The following SCFD2 variants were observed in gnomAD, a reference collection of about 807,000 sequenced individuals.
The protein encoded by SCFD2 is sec1 family domain-containing protein 2.
In SCFD2, 54 loss-of-function variants were observed where a neutral mutation model predicts 58.9. The ratio of observed to expected loss-of-function variants is 0.92; its 90% CI spans 0.74 to 1.15. The LOEUF is 1.15. SCFD2 is among the 50% of genes most tolerant of loss of function. The pLI is 0.00. For synonymous variants in SCFD2, 321 were observed against 335.9 expected, an observed-to-expected ratio of 0.96 and a Z score of 0.49; for missense variants, 805 against 836.6, an observed-to-expected ratio of 0.96 and a Z score of 0.47.
At chr4:53,233,605 C>G (rs755885551) in intron 4 of SCFD2, among the ~76,000 whole-genome samples, 4 of 152,146 alleles carry the variant, frequency 2.6e-5, no homozygotes, top group African/African-American at 4.8e-5. Context: ...CCTATATATT[C>G]GACTCTCATT....
chr4:52,906,112 T>C (rs1719341773), intron 7 of SCFD2, among the ~76,000 whole-genome samples: 1 of 152,192 alleles, frequency 6.6e-6, no homozygotes, highest in Non-Finnish European at 1.5e-5. Flanking sequence ...TAGGGCCTCC[T>C]GTCACCTACA....
At chr4:52,954,636 G>T (rs1394830861) in intron 5 of SCFD2, among the ~76,000 whole-genome samples, 2 of 152,154 alleles carry the variant, frequency 1.3e-5, no homozygotes, top group African/African-American at 4.8e-5. Context: ...GGAACAAGCA[G>T]TCTAGGAAAA....
At chr4:52,886,656 AG>A (rs1718748832) in intron 7 of SCFD2, among the ~76,000 whole-genome samples, 1 of 152,238 alleles carries the variant, frequency 6.6e-6, no homozygotes, top group Admixed American at 6.5e-5. Context: ...AAAGTGGGTG[AG>A]AAAAATCCTG....
intron 5 of SCFD2, among the ~76,000 whole-genome samples, chr4:52,928,181 T>A (rs1162899554): frequency 1.3e-5 from 2 of 151,654 alleles, no homozygotes; most frequent in Admixed American, 6.6e-5. Flanking sequence ...CAAAAAAATT[T>A]AAAAAAATAG....
At chr4:53,021,750 T>C (rs1435069352) in intron 5 of SCFD2, among the ~76,000 whole-genome samples, 1 of 152,166 alleles carries the variant, frequency 6.6e-6, no homozygotes, top group Non-Finnish European at 1.5e-5. Flanking sequence ...ACTTTTTGAC[T>C]AGACTTTTTT....
At chr4:53,062,391 C>CAATAATAATAAT (rs60077342) in intron 5 of SCFD2, among the ~76,000 whole-genome samples, 62 of 149,856 alleles carry the variant, frequency 4.1e-4, no homozygotes, top group South Asian at 1.5e-3. Context: ...CGTACAATAA[C>CAATAATAATAAT]AATAATAATA....
Position 53,147,487 on chromosome 4 carries a change from T to C in SCFD2, c.1312-1905A>G, listed in dbSNP as rs750430148. Among the ~76,000 whole-genome samples the C allele has an allele frequency of 6.2e-4, 94 of 152,136 alleles. 1 individual carries two copies. The highest frequency in any genetic ancestry group is 1.9e-4 in the Non-Finnish European group (13 of 68,018). The stretch of plus-strand genomic sequence containing the variant: ...AATCTTGGATGTTCACAATGTACCA[T>C]AGAAAAATAAAATGTTCAGTCCTTG... On this transcript the variant is annotated intron_variant, in intron 4 of 8. Coordinates refer to ENST00000401642, the MANE Select transcript of SCFD2 (RefSeq NM_152540.4).
At chr4:53,253,321 G>A (rs1730469295) in intron 4 of SCFD2, among the ~76,000 whole-genome samples, 2 of 152,146 alleles carry the variant, frequency 1.3e-5, no homozygotes, top group East Asian at 3.9e-4. Context: ...CATTGTGGAA[G>A]TCAGTGTGGC....
Position 53,213,845 on chromosome 4 carries a change from G to A in SCFD2, c.1311+59981C>T, listed in dbSNP as rs778214643. On this transcript the variant is annotated intron_variant, in intron 4 of 8. Coordinates refer to ENST00000401642, the MANE Select transcript of SCFD2 (RefSeq NM_152540.4). ...GACAGGCCCTGGTGTGTGATGTTCCGCTTCCTGTGTCCATGTATTCTCATT... is the reference window on the plus strand; with the variant it reads ...GACAGGCCCTGGTGTGTGATGTTCCACTTCCTGTGTCCATGTATTCTCATT... Among the ~76,000 whole-genome samples the A allele has an allele frequency of 2.7e-4, 41 of 151,974 alleles. 1 individual carries two copies. Among genetic ancestry groups the A allele is most frequent in the Admixed American group, 5.9e-4 (9 of 15,256 alleles).
chr4:53,332,726 T>C (rs1396763563), intron 2 of SCFD2, among the ~76,000 whole-genome samples: 12 of 151,820 alleles, frequency 7.9e-5, no homozygotes, highest in South Asian at 2.1e-4. Flanking sequence ...CTATTCAACA[T>C]AGTGTTGGAA....
intron 4 of SCFD2, among the ~76,000 whole-genome samples, chr4:53,200,101 A>G (rs185414150): frequency 6.6e-6 from 1 of 152,080 alleles, no homozygotes; most frequent in African/African-American, 2.4e-5. Flanking sequence ...TCTAATTACT[A>G]TCACAATCAC....
chr4:53,329,438 C>T (rs1354058458), intron 2 of SCFD2, among the ~76,000 whole-genome samples: 1 of 151,866 alleles, frequency 6.6e-6, no homozygotes, highest in East Asian at 1.9e-4. Flanking sequence ...TCCCTGACCC[C>T]TGACCCCCGA....
chr4:53,231,676 T>C (rs1729444799), intron 4 of SCFD2, among the ~76,000 whole-genome samples: 1 of 152,158 alleles, frequency 6.6e-6, no homozygotes, highest in Non-Finnish European at 1.5e-5. Flanking sequence ...GTGTATGCCT[T>C]GGTTGATAAA....
intron 7 of SCFD2, among the ~76,000 whole-genome samples, chr4:52,893,900 CTG>C (rs1449626659): frequency 6.6e-6 from 1 of 152,202 alleles, no homozygotes; most frequent in Non-Finnish European, 1.5e-5. Context: ...TCTCTCATTG[CTG>C]TCCTTGGGCT....
intron 8 of SCFD2, among the ~76,000 whole-genome samples, chr4:52,883,138 T>A (rs1718658608): frequency 6.6e-6 from 1 of 152,160 alleles, no homozygotes; most frequent in Non-Finnish European, 1.5e-5. Context: ...CTAGCACGCA[T>A]CCCACTTCGT....
At chr4:52,965,684 C>A (rs1260351912) in intron 5 of SCFD2, among the ~76,000 whole-genome samples, 1 of 152,202 alleles carries the variant, frequency 6.6e-6, no homozygotes, top group African/African-American at 2.4e-5. Flanking sequence ...GCAAGCCTGG[C>A]TGGGTCTGGC....
intron 1 of SCFD2, among the ~76,000 whole-genome samples, chr4:53,362,259 CTGGAACATGCTTAGCA>C (rs1734567539): frequency 6.6e-6 from 1 of 152,084 alleles, no homozygotes; most frequent in South Asian, 2.1e-4. Context: ...GGCCCTGAGG[CTGGAACATGCTTAGCA>C]TGTCTGACAA....
intron 1 of SCFD2, among the ~76,000 whole-genome samples, chr4:53,362,208 G>A (rs1200716779): frequency 2.0e-5 from 3 of 152,044 alleles, no homozygotes; most frequent in South Asian, 2.1e-4. Context: ...TGGATACCTC[G>A]AAGAAGAACA....
chr4:53,291,579 C>T (rs1215142787), intron 3 of SCFD2, among the ~76,000 whole-genome samples: 1 of 151,928 alleles, frequency 6.6e-6, no homozygotes, highest in Non-Finnish European at 1.5e-5. Flanking sequence ...AATGTTATCC[C>T]CATTAAACTA....
Sources: allele counts gnomAD v4.1 joint callset (sites outside exome capture counted in the v4.1 genomes callset), GRCh38; gene constraint gnomAD v4.1.1; transcripts MANE v1.5; gene names NCBI Gene and HGNC (gene_info 2026-07-23, HGNC 2026-07-21).